RPS6KC1: variants seen among roughly 807,000 people sequenced by gnomAD.
RPS6KC1 encodes the protein ribosomal protein S6 kinase C1, also known as inactive ribosomal protein S6 kinase delta-1.
In RPS6KC1, 54 loss-of-function variants were observed where a neutral mutation model predicts 103.8. The observed-to-expected ratio is 0.52, with a 90% CI of 0.42 to 0.65. The LOEUF (loss-of-function observed/expected upper bound fraction) is 0.65, where lower values mean the gene tolerates loss of function less well. RPS6KC1 is among the 30% of genes least tolerant of loss of function. RPS6KC1 has a pLI of 0.00. For synonymous variants in RPS6KC1, 439 were observed against 438.7 expected, an observed-to-expected ratio of 1.00 and a Z score of -0.01; for missense variants, 1,151 against 1,253.8, an observed-to-expected ratio of 0.92 and a Z score of 1.24.
the RPS6KC1 span, among the ~76,000 whole-genome samples, chr1:213,359,492 G>A: frequency 7.2e-5 from 11 of 152,040 alleles, no homozygotes; most frequent in Middle Eastern, 3.2e-3. Flanking sequence ...CACACTGATG[G>A]GTCTTGACTC....
chr1:213,580,558 A>G, the RPS6KC1 span, among the ~76,000 whole-genome samples: 1 of 152,074 alleles, frequency 6.6e-6, no homozygotes, highest in African/African-American at 2.4e-5. Context: ...CTATCAAATA[A>G]CACCTCGTAC....
intron 12 of RPS6KC1, among the ~76,000 whole-genome samples, chr1:213,259,734 A>ATTTTTT (rs71147063): frequency 2.3e-4 from 23 of 97,914 alleles, no homozygotes; most frequent in African/African-American, 4.6e-4. Flanking sequence ...TGTTTTTTTA[A>ATTTTTT]TTTTTTTTTT....
intron 12 of RPS6KC1, among the ~76,000 whole-genome samples, chr1:213,251,102 C>CTTTTTTT (rs1235280521): frequency 7.0e-5 from 7 of 100,210 alleles, no homozygotes; most frequent in African/African-American, 1.1e-4. Context: ...GGTTTTTCAG[C>CTTTTTTT]TTTTTTTTTT....
At chr1:213,748,445 C>T in the RPS6KC1 span, among the ~76,000 whole-genome samples, 1 of 152,186 alleles carries the variant, frequency 6.6e-6, no homozygotes, top group East Asian at 1.9e-4. Context: ...GTCACAATGG[C>T]AGAATAGTCC....
At chr1:213,746,567 A>G in the RPS6KC1 span, among the ~76,000 whole-genome samples, 1 of 152,340 alleles carries the variant, frequency 6.6e-6, no homozygotes, top group Admixed American at 6.5e-5. Flanking sequence ...ATAGGGAGCC[A>G]CTAGAGAATT....
chr1:213,232,161 G>T lies in RPS6KC1; in HGVS notation c.1131G>T (p.Lys377Asn), dbSNP rs752516948. ...GCAGTGAATACAGCAGGAACAGAAA[G>T]ACCATCATCCCCCGCTGTGTGCCCA... ...RKSSEYSRNR[K>N]TIIPRCVPNM... Residue 377 changes from lysine (K) to asparagine (N), a missense_variant, in exon 10 of 15, where the codon AAG (lysine) becomes AAT (asparagine). Transcript: ENST00000366960. 6.2e-7 allele frequency: 1 copy of T among 1,614,010 alleles called. No individual in the cohort carries two copies.
the RPS6KC1 span, among the ~76,000 whole-genome samples, chr1:213,506,829 T>C: frequency 6.6e-6 from 1 of 152,198 alleles, no homozygotes; most frequent in South Asian, 2.1e-4. Context: ...AAAGGAATAA[T>C]AATTCCTGGG....
At chr1:213,254,758 G>T (rs553823209) in intron 12 of RPS6KC1, among the ~76,000 whole-genome samples, 1 of 152,202 alleles carries the variant, frequency 6.6e-6, no homozygotes, top group East Asian at 1.9e-4. Context: ...TTGAGTTTTT[G>T]TGGGAATAAA....
At chr1:213,194,494 A>G (rs1447332947) in intron 8 of RPS6KC1, among the ~76,000 whole-genome samples, 1 of 152,148 alleles carries the variant, frequency 6.6e-6, no homozygotes, top group African/African-American at 2.4e-5. Context: ...TGAAGTTACC[A>G]GGAGGCTTGC....
intron 12 of RPS6KC1, among the ~76,000 whole-genome samples, chr1:213,254,471 C>T (rs986772559): frequency 6.6e-6 from 1 of 152,180 alleles, no homozygotes; most frequent in African/African-American, 2.4e-5. Flanking sequence ...AATGCTTGCT[C>T]ATCTTAGCAT....
chr1:213,118,021 C>CA (rs59318173), intron 5 of RPS6KC1, among the ~76,000 whole-genome samples: 532 of 34,148 alleles, frequency 0.016, 89 homozygotes, highest in African/African-American at 0.031. Flanking sequence ...GACTTTGTCT[C>CA]AAAAAAAAAA....
At chr1:213,647,663 G>T in the RPS6KC1 span, among the ~76,000 whole-genome samples, 2 of 152,162 alleles carry the variant, frequency 1.3e-5, no homozygotes, top group Non-Finnish European at 1.5e-5. Context: ...AAACCCAAGT[G>T]TGGGTAATCT....
intron 14 of RPS6KC1, among the ~76,000 whole-genome samples, chr1:213,270,749 A>C (rs1040474672): frequency 4.6e-5 from 7 of 152,250 alleles, no homozygotes; most frequent in African/African-American, 1.2e-4. Flanking sequence ...GTAATTAAGT[A>C]AGACAGACAA....
chr1:213,475,940 A>G, the RPS6KC1 span, among the ~76,000 whole-genome samples: 15 of 152,180 alleles, frequency 9.9e-5, no homozygotes, highest in Non-Finnish European at 1.8e-4. Flanking sequence ...CTTCTCCCAC[A>G]TGGCATATTC....
chr1:213,170,804 G>A lies in RPS6KC1; in HGVS notation c.951+2831G>A, dbSNP rs76041052. Among the ~76,000 whole-genome samples the A allele has an allele frequency of 4.4e-3, 668 of 152,268 alleles. 4 individuals are homozygous for A. The highest frequency in any genetic ancestry group is 7.8e-3 in the Admixed American group (120 of 15,314). On this transcript the variant is annotated intron_variant, in intron 7 of 14. Transcript: ENST00000366960. ...TAATTTAAGTTAAAAGTCTTCCAGAGGATTGTGATTAGCTTGGTGCATTTA... is the reference window on the plus strand; with the variant it reads ...TAATTTAAGTTAAAAGTCTTCCAGAAGATTGTGATTAGCTTGGTGCATTTA...
At chr1:213,147,392 G>A (rs987388989) in intron 6 of RPS6KC1, among the ~76,000 whole-genome samples, 2 of 152,134 alleles carry the variant, frequency 1.3e-5, no homozygotes, top group Non-Finnish European at 2.9e-5. Context: ...AGATAGGGGT[G>A]TAATTTCATT....
the RPS6KC1 span, among the ~76,000 whole-genome samples, chr1:213,632,412 G>A: frequency 5.3e-3 from 806 of 152,302 alleles, 4 homozygotes; most frequent in African/African-American, 0.019. Flanking sequence ...GGGGTCTGGA[G>A]TGGACATCCA....
the RPS6KC1 span, among the ~76,000 whole-genome samples, chr1:213,398,299 G>A: frequency 3.3e-5 from 5 of 150,106 alleles, no homozygotes; most frequent in Admixed American, 6.7e-5. Context: ...GCCTGCCTTC[G>A]GCCTCCCAAA....
chr1:213,574,953 G>A, the RPS6KC1 span, among the ~76,000 whole-genome samples: 4 of 152,244 alleles, frequency 2.6e-5, no homozygotes, highest in East Asian at 7.7e-4. Context: ...CTGGATTGGA[G>A]GAGGTGGAAT....
Sources: gnomAD v4.1 joint callset for allele counts (sites outside exome capture counted in the v4.1 genomes callset) on GRCh38, gnomAD v4.1.1 for gene constraint, MANE v1.5 for transcripts, NCBI Gene and HGNC (gene_info 2026-07-23, HGNC 2026-07-21) for gene names.